The following GRM6 variants were observed in gnomAD, a reference collection of about 807,000 sequenced individuals.
GRM6 encodes the protein metabotropic glutamate receptor 6.
Under a neutral mutation model 78.4 loss-of-function variants are expected in GRM6, and 73 were observed. That is an observed-to-expected ratio of 0.93 (90% CI 0.77 to 1.13). The LOEUF (loss-of-function observed/expected upper bound fraction) is 1.13. GRM6 is among the 50% of genes most tolerant of loss of function. The pLI, the probability that GRM6 is intolerant of heterozygous loss-of-function variation, is 0.00. For missense variants in GRM6, 1,251 were observed against 1,256.4 expected (o/e 1.00, Z 0.07); for synonymous variants, 580 against 555.0 (o/e 1.05, Z -0.63).
intron 9 of GRM6, chr5:178,985,383 G>A (rs1298165972): frequency 1.0e-5 from 4 of 385,400 alleles, no homozygotes; most frequent in South Asian, 1.8e-5. Context: ...AGGAGGGGAG[G>A]GGCTCCATTT....
In GRM6 at chr5:178,986,822, C is replaced by T. The variant is rs371911468; in HGVS notation, c.1500+16G>A. On this transcript the variant is annotated intron_variant, in intron 8 of 10. Coordinates refer to ENST00000517717, the MANE Select transcript of GRM6 (RefSeq NM_000843.4). ...CCTGGGCCCATGCCCACCTGGGGCT[C>T]GGTCTGCACACTCACATCCAGTCTG... The T allele has an allele frequency of 1.5e-5, 24 of 1,613,156 alleles. No homozygotes were observed. The highest frequency in any genetic ancestry group is 3.3e-5 in the Admixed American group (2 of 60,012).
At position 178,983,031 on chromosome 5, in the gene GRM6, G is replaced by C. The variant is rs1305592571; in HGVS notation, c.2315C>G (p.Ala772Gly). ...MVTCTVYAIK[A>G]RGVPETFNEA... ...GTTGAAGGTCTCGGGCACGCCACGG[G>C]CCTTGATGGCGTACACTGTGCACGT... The change falls in exon 10 of 11, where the codon GCC (alanine) becomes GGC (glycine). Residue 772 changes from alanine to glycine, a missense_variant. Coordinates refer to ENST00000517717, the MANE Select transcript of GRM6 (RefSeq NM_000843.4). The C allele has an allele frequency of 5.0e-6, 8 of 1,613,912 alleles. No individual in the cohort carries two copies. Among genetic ancestry groups the C allele is most frequent in the Non-Finnish European group, 6.8e-6 (8 of 1,179,872 alleles).
At chr5:178,990,875 C>T (rs983763662) in intron 4 of GRM6, 129 bp from the exon 5 acceptor site, 24 of 824,870 alleles carry the variant, frequency 2.9e-5, no homozygotes, top group Middle Eastern at 3.7e-4. Context: ...TCAGGAAAAA[C>T]GGGGCCGGGG....
intron 9 of GRM6, chr5:178,985,396 T>C: frequency 2.8e-6 from 1 of 351,736 alleles, no homozygotes; most frequent in Non-Finnish European, 5.5e-6. Context: ...CTCCATTTCC[T>C]GTGGCCTTAA....
chr5:178,986,548 G>T lies in GRM6; in HGVS notation c.1706C>A (p.Thr569Lys). ...CACCACAGGTGTGGGGCGGCAGCCC[G>T]TGTGGTTGGGCGTGGGCCTCATGTC... The part of the protein sequence containing the change: ...PGDMRPTPNH[T>K]GCRPTPVVRL... The change falls in exon 9 of 11, where the codon ACG (threonine) becomes AAG (lysine). Residue 569 changes from threonine (T) to lysine (K), a missense_variant. By Grantham distance (78) the Thr-to-Lys change is moderately conservative. Coordinates refer to ENST00000517717, the MANE Select transcript of GRM6 (RefSeq NM_000843.4). 4 of 1,607,604 alleles carry T rather than the reference G, an allele frequency of 2.5e-6. No individual in the cohort carries two copies. The highest frequency in any genetic ancestry group is 3.4e-6 in the Non-Finnish European group (4 of 1,178,768).
chr5:178,985,486 G>C (rs182798412), intron 9 of GRM6: 1 of 341,304 alleles, frequency 2.9e-6, no homozygotes, highest in Admixed American at 4.0e-5. Flanking sequence ...GGCGGATCAC[G>C]AGGTCAGGAG....
In GRM6 at chr5:178,981,286, T is replaced by TTA; in HGVS notation, c.*369_*370dup. On this transcript the variant is annotated 3_prime_UTR_variant, in exon 11 of 11. Coordinates refer to ENST00000517717, the MANE Select transcript of GRM6 (RefSeq NM_000843.4). The surrounding 1 kb of genome is among the most constrained non-coding windows in gnomAD (Gnocchi z 5.1). Reference sequence around the variant, plus strand: ...TCTTCCACACTGCCCAATCCCCAGGTTATGGGGGTTGACTGAGGGGAGGAA... The same window carrying TTA: ...TCTTCCACACTGCCCAATCCCCAGGTTATATGGGGGTTGACTGAGGGGAGGAA... 1 of 264,416 alleles carries TTA rather than the reference T, an allele frequency of 3.8e-6. No homozygotes were observed. Among genetic ancestry groups the TTA allele is most frequent in the Non-Finnish European group, 7.4e-6 (1 of 135,680 alleles). 16.4% of individuals were successfully genotyped at this position (264,416 alleles called of 1,614,324 possible).
In GRM6 at chr5:178,992,506, C is replaced by T; in HGVS notation, c.505-423G>A. 1 of 356,626 alleles carries T rather than the reference C, an allele frequency of 2.8e-6. No homozygotes were observed. The highest frequency in any genetic ancestry group is 5.6e-6 in the Non-Finnish European group (1 of 178,882). The allele number at this position is 356,626 out of a possible 1,614,324, so 22.1% of individuals were successfully genotyped here. The stretch of plus-strand genomic sequence containing the variant: ...CCAAGGGGTGGTCCGCAGGGACAGG[C>T]AGCCCTAGGAGGGATTAGGGCAGAC... On this transcript the variant is annotated intron_variant, in intron 2 of 10. Transcript: ENST00000517717. This position sits in a 1 kb window ranked among gnomAD's most constrained non-coding sequence, Gnocchi z 4.9.
chr5:178,983,073 C>CT lies in GRM6; in HGVS notation c.2272dup (p.Ser758LysfsTer54). ...TGTGCACGTGACCATGAGCAGGAGG[C>CT]TGTAGCCCAGGCAGCCGATGAGAGA... On this transcript the variant is annotated frameshift_variant, in exon 10 of 11. Coordinates refer to ENST00000517717, the MANE Select transcript of GRM6 (RefSeq NM_000843.4). LOFTEE classifies it high-confidence loss of function. The CT allele has an allele frequency of 6.2e-7, 1 of 1,614,144 alleles. No homozygotes were observed. The highest frequency in any genetic ancestry group is 1.1e-5 in the South Asian group (1 of 91,088).
chr5:178,990,907 G>A, intron 4 of GRM6, 161 bp from the exon 5 acceptor site: 1 of 650,322 alleles, frequency 1.5e-6, no homozygotes. Flanking sequence ...ACCTTCCCTG[G>A]GCTTTCCTCT....
intron 9 of GRM6, chr5:178,985,323 C>T: frequency 2.2e-6 from 1 of 453,718 alleles, no homozygotes; most frequent in Non-Finnish European, 4.4e-6. Flanking sequence ...CCCCGTTTTC[C>T]TTCAAGGACC....
At chr5:178,990,855 T>C (rs1760657467) in intron 4 of GRM6, 109 bp from the exon 5 acceptor site, 2 of 948,080 alleles carry the variant, frequency 2.1e-6, no homozygotes, top group Non-Finnish European at 1.6e-6. Context: ...ACTCACCAGA[T>C]CCTTGTTTCT....
Position 178,986,838 on chromosome 5 carries a change from A to T in GRM6, c.1500T>A (p.Asp500Glu). The stretch of plus-strand genomic sequence containing the variant: ...CCTGGGGCTCGGTCTGCACACTCAC[A>T]TCCAGTCTGAGGGTCTCTGCCCACT... Reference protein sequence around the residue: ...VGQWAETLRLDVEALQWSGDP... With the variant: ...VGQWAETLRLEVEALQWSGDP... Residue 500 changes from aspartate (D) to glutamate (E), a missense_variant and splice_region_variant, in exon 8 of 11, where the codon GAT (aspartate) becomes GAA (glutamate). Physicochemically the swap from Asp to Glu is conservative, Grantham distance 45 (BLOSUM62 2). Transcript: ENST00000517717. 6.2e-7 allele frequency: 1 copy of T among 1,613,788 alleles called. No individual in the cohort carries two copies. Among genetic ancestry groups the T allele is most frequent in the South Asian group, 1.1e-5 (1 of 91,078 alleles).
At chr5:178,990,481 A>G (rs1304282884) in intron 5 of GRM6, 111 bp downstream of exon 5, 2 of 909,216 alleles carry the variant, frequency 2.2e-6, no homozygotes, top group Non-Finnish European at 3.6e-6. Flanking sequence ...TGGGGATCTG[A>G]GAAGGGATCT....
At chr5:178,985,854 T>A in intron 9 of GRM6, 1 of 545,934 alleles carries the variant, frequency 1.8e-6, no homozygotes, top group Non-Finnish European at 3.4e-6. Context: ...CTTCAACTCT[T>A]GGGCTCAAGC....
In GRM6 at chr5:178,990,785, G is replaced by C. The variant is rs747634395; in HGVS notation, c.858-39C>G. 20 of 1,519,424 alleles carry C rather than the reference G, an allele frequency of 1.3e-5. No homozygotes were observed. The Admixed American group carries it at 3.9e-4, about 30-fold the overall frequency. The allele number at this position is 1,519,424 out of a possible 1,614,324, so 94.1% of individuals were successfully genotyped here. On this transcript the variant is annotated intron_variant, in intron 4 of 10. Coordinates refer to ENST00000517717, the MANE Select transcript of GRM6 (RefSeq NM_000843.4). ...GGCTGGGGTGAGGGAGGGCCTGGGA[G>C]CCTCCTCCAGCTCGGCCCCCATCCC...
Position 178,986,190 on chromosome 5 carries a change from G to T in GRM6, c.2064C>A (p.Pro688=), listed in dbSNP as rs1760539011. The T allele has an allele frequency of 6.2e-7, 1 of 1,614,138 alleles. No homozygotes were observed. The highest frequency in any genetic ancestry group is 8.5e-7 in the Non-Finnish European group (1 of 1,180,000). ...GTGAGGTGGGGCTGATGAAGGGAGGGGGTGTGACCGAGCGCTTGCCCTGCT... is the reference window on the plus strand; with the variant it reads ...GTGAGGTGGGGCTGATGAAGGGAGGTGGTGTGACCGAGCGCTTGCCCTGCT... ...IFEQGKRSVT[P]PPFISPTSQL... is the part of the protein sequence containing the mutation. Residue 688 remains proline (P), a synonymous_variant, in exon 9 of 11, where the codon CCC becomes CCA. Transcript: ENST00000517717.
In GRM6 at chr5:178,994,808, G is replaced by A. The variant is rs62638197; in HGVS notation, c.137C>T (p.Pro46Leu). The A allele has an allele frequency of 1.5e-4, 197 of 1,280,478 alleles. No homozygotes were observed. Among genetic ancestry groups the A allele is most frequent in the Non-Finnish European group, 1.9e-4 (188 of 1,012,726 alleles). 79.3% of individuals were successfully genotyped at this position (1,280,478 alleles called of 1,614,324 possible). A position where few individuals can be genotyped will look rare whatever the true frequency, so the allele number is the denominator to read the frequency against. Reference protein sequence around the residue: ...AGGLTLGGLFPVHARGAAGRA... With the variant: ...AGGLTLGGLFLVHARGAAGRA... ...GCCCGCCGCGCCCCGCGCGTGCACC[G>A]GGAACAGGCCGCCCAGCGTCAGGCC... The change falls in exon 2 of 11, where the codon CCG (proline) becomes CTG (leucine). Residue 46 changes from proline to leucine, a missense_variant. By Grantham distance (98) the Pro-to-Leu change is moderately conservative. Coordinates refer to ENST00000517717, the MANE Select transcript of GRM6 (RefSeq NM_000843.4).
chr5:178,995,009 G>A, intron 1 of GRM6, 49 bp from the exon 2 acceptor site: 1 of 1,036,292 alleles, frequency 9.6e-7, no homozygotes, highest in Admixed American at 5.3e-5. Context: ...GGGGGAAGGA[G>A]AGCGCGGGCT....
Sources: allele counts gnomAD v4.1 joint callset, GRCh38; gene constraint gnomAD v4.1.1; non-coding constraint Gnocchi (gnomAD v3.1); transcripts MANE v1.5; gene names NCBI Gene and HGNC (gene_info 2026-07-23, HGNC 2026-07-21).